HTR1F: variants seen among roughly 807,000 people sequenced by gnomAD.
The protein encoded by HTR1F is 5-hydroxytryptamine receptor 1F.
A neutral mutation model predicts 24.0 loss-of-function variants in HTR1F; 17 were observed. The observed-to-expected ratio is 0.71, with a 90% confidence interval of 0.48 to 1.06. The LOEUF (loss-of-function observed/expected upper bound fraction) is 1.06, where lower values mean the gene tolerates loss of function less well. HTR1F is among the 50% of genes least tolerant of loss of function. The pLI is 0.00. For missense variants in HTR1F, 391 were observed against 427.8 expected (o/e 0.91, Z 0.76); for synonymous variants, 186 against 156.8 (o/e 1.19, Z -1.39).
intron 2 of HTR1F, among the ~76,000 whole-genome samples, chr3:87,901,217 C>A (rs1459862444): frequency 6.6e-6 from 1 of 152,126 alleles, no homozygotes; most frequent in African/African-American, 2.4e-5. Flanking sequence ...GGCAAGAAAC[C>A]TATTCCAACA....
intron 2 of HTR1F, among the ~76,000 whole-genome samples, chr3:87,954,396 A>G (rs568116544): frequency 6.6e-6 from 1 of 151,914 alleles, no homozygotes; most frequent in Admixed American, 6.6e-5. Flanking sequence ...GATGTATAAT[A>G]TTAGTAGCCA....
Position 87,980,425 on chromosome 3 carries a change from C to G in HTR1F, c.-42-10283C>G, listed in dbSNP as rs537921732. 2.0e-5 allele frequency among the ~76,000 whole-genome samples: 3 copies of G among 152,328 alleles called. No individual in the cohort carries two copies. In the South Asian group the frequency reaches 6.2e-4, roughly 32 times the overall value. On this transcript the variant is annotated intron_variant, in intron 2 of 2. Transcript: ENST00000319595. ...CATCTTGTCATCTTTCCAAATCTGG[C>G]TAAGTCCAGGGTTTTTATGGGCTTC... is the stretch of plus-strand genomic sequence containing the variant.
chr3:87,912,643 A>G (rs1345584746), intron 2 of HTR1F, among the ~76,000 whole-genome samples: 51 of 151,474 alleles, frequency 3.4e-4, no homozygotes, highest in African/African-American at 1.1e-3. Flanking sequence ...CAAAAAAAAA[A>G]AAAAAAAAAC....
chr3:87,869,390 CAGATAGATAGAT>C lies in HTR1F; in HGVS notation c.-43+47300_-43+47311del, dbSNP rs4038035. Among the ~76,000 whole-genome samples the C allele has an allele frequency of 5.0e-3, 624 of 124,546 alleles. 1 individual carries two copies. The highest frequency in any genetic ancestry group is 0.014 in the East Asian group (57 of 4,190). 81.7% of individuals were successfully genotyped at this position (124,546 alleles called of 152,430 possible). A position where few individuals can be genotyped will look rare whatever the true frequency, so the allele number is the denominator to read the frequency against. On this transcript the variant is annotated intron_variant, in intron 2 of 2. Coordinates refer to ENST00000319595, the MANE Select transcript of HTR1F (RefSeq NM_001322209.2). Reference sequence around the variant, plus strand: ...CCAATAGGATAGATAGATAGACAAACAGATAGATAGATAGATAGATAGATAGATAGATAGATA... The same window carrying C: ...CCAATAGGATAGATAGATAGACAAACAGATAGATAGATAGATAGATAGATA...
Position 87,991,757 on chromosome 3 carries a change from G to A in HTR1F, c.1008G>A (p.Gly336=). The A allele has an allele frequency of 1.2e-6, 2 of 1,613,552 alleles. No individual in the cohort carries two copies. The highest frequency in any genetic ancestry group is 1.7e-6 in the Non-Finnish European group (2 of 1,179,610). ...TGTCCAATTTTTTGGCATGGCTTGG[G>A]TATCTCAATTCCCTTATAAATCCAC... is the stretch of plus-strand genomic sequence containing the variant. The part of the protein sequence containing the change: ...EEMSNFLAWL[G]YLNSLINPLI... Residue 336 remains glycine, a synonymous_variant, in exon 3 of 3, where the codon GGG becomes GGA. Transcript: ENST00000319595.
chr3:87,880,378 C>T (rs1705764394), intron 2 of HTR1F, among the ~76,000 whole-genome samples: 1 of 151,886 alleles, frequency 6.6e-6, no homozygotes, highest in Non-Finnish European at 1.5e-5. Flanking sequence ...TTAATCAGCT[C>T]TTTAAAAGAC....
At position 87,877,480 on chromosome 3, in the gene HTR1F, A is replaced by T. The variant is rs1319699460; in HGVS notation, c.-43+55356A>T. The stretch of plus-strand genomic sequence containing the variant: ...CTAGTTACATGAGAAATTACTTAAG[A>T]AATTATCAATTTTTATGTAAAAGTT... On this transcript the variant is annotated intron_variant, in intron 2 of 2. Coordinates refer to ENST00000319595, the MANE Select transcript of HTR1F (RefSeq NM_001322209.2). 2.0e-5 allele frequency among the ~76,000 whole-genome samples: 3 copies of T among 152,268 alleles called. No individual in the cohort carries two copies. The East Asian group carries it at 5.8e-4, about 29-fold the overall frequency.
intron 2 of HTR1F, among the ~76,000 whole-genome samples, chr3:87,846,776 T>C (rs1000482321): frequency 2.6e-5 from 4 of 151,954 alleles, no homozygotes; most frequent in African/African-American, 9.7e-5. Flanking sequence ...TCTTTAAAGA[T>C]AGTCATTGTA....
intron 2 of HTR1F, among the ~76,000 whole-genome samples, chr3:87,943,618 G>T (rs373191526): frequency 2.6e-5 from 4 of 152,322 alleles, no homozygotes; most frequent in East Asian, 3.9e-4. Context: ...TAGACTCTGA[G>T]GGCTTCCTAT....
intron 2 of HTR1F, among the ~76,000 whole-genome samples, chr3:87,867,401 C>A (rs1193345922): frequency 6.6e-6 from 1 of 151,548 alleles, no homozygotes; most frequent in Non-Finnish European, 1.5e-5. Flanking sequence ...TTTTCACACA[C>A]CCAAGCAGAT....
intron 2 of HTR1F, among the ~76,000 whole-genome samples, chr3:87,857,867 G>C (rs531025543): frequency 8.5e-5 from 13 of 152,176 alleles, no homozygotes; most frequent in African/African-American, 2.9e-4. Context: ...GGGGATTCGA[G>C]TATGGAACTT....
At chr3:87,796,777 G>C (rs1022800806) in intron 1 of HTR1F, among the ~76,000 whole-genome samples, 3 of 152,192 alleles carry the variant, frequency 2.0e-5, no homozygotes, top group Non-Finnish European at 4.4e-5. Context: ...AGTCAAAATG[G>C]TGGTGACAAG....
intron 2 of HTR1F, among the ~76,000 whole-genome samples, chr3:87,899,253 T>G (rs1414832673): frequency 6.6e-6 from 1 of 152,186 alleles, no homozygotes; most frequent in Non-Finnish European, 1.5e-5. Context: ...TCCTCAGTAT[T>G]TTTATGTCAT....
At chr3:87,922,403 G>A (rs1381476228) in intron 2 of HTR1F, among the ~76,000 whole-genome samples, 3 of 150,918 alleles carry the variant, frequency 2.0e-5, no homozygotes, top group Non-Finnish European at 4.4e-5. Context: ...TCTTCTATAT[G>A]GTAAATATTA....
chr3:87,955,256 G>A (rs1457807495), intron 2 of HTR1F, among the ~76,000 whole-genome samples: 2 of 150,960 alleles, frequency 1.3e-5, no homozygotes, highest in African/African-American at 4.9e-5. Flanking sequence ...CTGCTTTTTC[G>A]CACCTATATT....
chr3:87,969,083 A>T (rs1451048312), intron 2 of HTR1F, among the ~76,000 whole-genome samples: 1 of 152,266 alleles, frequency 6.6e-6, no homozygotes. Context: ...CAGAGGATGT[A>T]TGGAAACACC....
chr3:87,805,925 C>CT (rs980998393), intron 1 of HTR1F, among the ~76,000 whole-genome samples: 24 of 151,956 alleles, frequency 1.6e-4, no homozygotes, highest in Middle Eastern at 3.4e-3. Flanking sequence ...TAACCAAACA[C>CT]TTTTTTTTGC....
At chr3:87,843,710 A>G (rs1370372718) in intron 2 of HTR1F, among the ~76,000 whole-genome samples, 1 of 125,380 alleles carries the variant, frequency 8.0e-6, no homozygotes, top group Non-Finnish European at 1.6e-5. Flanking sequence ...CCAGATTGTG[A>G]TGTTCCCCTT....
chr3:87,817,063 A>G (rs762134474), intron 1 of HTR1F, among the ~76,000 whole-genome samples: 11 of 152,286 alleles, frequency 7.2e-5, no homozygotes, highest in Non-Finnish European at 1.5e-4. Context: ...TAGTTTTACT[A>G]AAGTTTCAGA....
Sources: allele counts gnomAD v4.1 joint callset (sites outside exome capture counted in the v4.1 genomes callset), GRCh38; gene constraint gnomAD v4.1.1; transcripts MANE v1.5; gene names NCBI Gene and HGNC (gene_info 2026-07-23, HGNC 2026-07-21).